Variants in RAPGEF4 observed in about 807,000 individuals in gnomAD.
The protein encoded by RAPGEF4 is Rap guanine nucleotide exchange factor 4.
RAPGEF4 carries 66 observed loss-of-function variants against 147.9 expected under a neutral mutation model. The observed-to-expected ratio is 0.45, with a 90% confidence interval of 0.37 to 0.55. The LOEUF is 0.55. RAPGEF4 is among the 20% of genes least tolerant of loss of function. The probability of loss-of-function intolerance (pLI) is 0.00; values close to 1 mark genes in which losing one functional copy is unlikely to be tolerated. For synonymous variants in RAPGEF4, 419 were observed against 442.7 expected (o/e 0.95, Z 0.67); for missense variants, 1,071 against 1,257.3 (o/e 0.85, Z 2.24).
chr2:173,017,423 C>T lies in RAPGEF4; in HGVS notation c.1930-3C>T, dbSNP rs1695607785. 1.2e-6 allele frequency: 2 copies of T among 1,613,630 alleles called. No individual in the cohort carries two copies. Among genetic ancestry groups the T allele is most frequent in the Non-Finnish European group, 1.7e-6 (2 of 1,179,688 alleles). On this transcript the variant is annotated splice_region_variant and splice_polypyrimidine_tract_variant and intron_variant, in intron 20 of 30. Transcript: ENST00000397081. ...ATGGCACTTGCTGTGGTTGTTTTTA[C>T]AGCACAAGGTTCTTTTGCAACAGTT... is the stretch of plus-strand genomic sequence containing the variant.
intron 29 of RAPGEF4, among the ~76,000 whole-genome samples, chr2:173,041,651 A>G (rs967838933): frequency 1.3e-5 from 2 of 152,226 alleles, no homozygotes; most frequent in African/African-American, 4.8e-5. Context: ...AATGGAAAAT[A>G]AAACCACATT....
chr2:172,752,203 G>C (rs1378968575), intron 1 of RAPGEF4, among the ~76,000 whole-genome samples: 1 of 152,134 alleles, frequency 6.6e-6, no homozygotes, highest in African/African-American at 2.4e-5. Context: ...AACCAGTTTA[G>C]TTTCACTAGT....
In RAPGEF4 at chr2:172,988,694, G is replaced by T; in HGVS notation, c.1229G>T (p.Gly410Val). 7 of 1,611,708 alleles carry T rather than the reference G, an allele frequency of 4.3e-6. No individual in the cohort carries two copies. Among genetic ancestry groups the T allele is most frequent in the Non-Finnish European group, 5.9e-6 (7 of 1,177,818 alleles). ...GSVNVVIYGK[G>V]VVCTLHEGDD... ...ATCTGTGTGCTCTACTCTATCCAGGGTGTGGTCTGCACCCTGCATGAAGGA... is the reference window on the plus strand; with the variant it reads ...ATCTGTGTGCTCTACTCTATCCAGGTTGTGGTCTGCACCCTGCATGAAGGA... The change falls in exon 14 of 31, where the codon GGT becomes GTT. Residue 410 changes from glycine (G) to valine (V), a missense_variant and splice_region_variant. Gly to Val is a moderately radical substitution (Grantham distance 109). Coordinates refer to ENST00000397081, the MANE Select transcript of RAPGEF4 (RefSeq NM_007023.4).
At chr2:172,739,354 A>G (rs1030560603) in intron 1 of RAPGEF4, among the ~76,000 whole-genome samples, 2 of 149,612 alleles carry the variant, frequency 1.3e-5, no homozygotes, top group East Asian at 1.9e-4. Context: ...TGTGCTGACC[A>G]TTGTTTAAGT....
intron 16 of RAPGEF4, among the ~76,000 whole-genome samples, chr2:172,999,819 A>G (rs542810074): frequency 6.6e-5 from 10 of 152,286 alleles, no homozygotes; most frequent in Admixed American, 2.0e-4. Context: ...GTCTCATTAT[A>G]CTGAGAAGCA....
Position 172,976,872 on chromosome 2 carries a change from T to G in RAPGEF4, c.1005-6624T>G, listed in dbSNP as rs188547535. Among the ~76,000 whole-genome samples the G allele has an allele frequency of 1.1e-3, 162 of 152,354 alleles. 1 individual carries two copies. Among genetic ancestry groups the G allele is most frequent in the African/African-American group, 3.7e-3 (155 of 41,584 alleles). On this transcript the variant is annotated intron_variant, in intron 10 of 30. Coordinates refer to ENST00000397081, the MANE Select transcript of RAPGEF4 (RefSeq NM_007023.4). ...CCCTCCCATCCTTTAATGTATAAAC[T>G]GCTTCCCTATCCATCCCCATTTATT...
chr2:172,796,121 G>A (rs1686334870), intron 2 of RAPGEF4, among the ~76,000 whole-genome samples: 2 of 152,064 alleles, frequency 1.3e-5, no homozygotes, highest in Non-Finnish European at 2.9e-5. Context: ...TGCCCTAGTG[G>A]AGCTAACACC....
At chr2:172,869,742 T>G (rs1695009680) in intron 4 of RAPGEF4, among the ~76,000 whole-genome samples, 1 of 152,210 alleles carries the variant, frequency 6.6e-6, no homozygotes, top group Non-Finnish European at 1.5e-5. Flanking sequence ...TGTTATTGAA[T>G]GTGTGTTTGT....
At chr2:172,887,748 C>T (rs1559098912) in intron 4 of RAPGEF4, among the ~76,000 whole-genome samples, 1 of 152,018 alleles carries the variant, frequency 6.6e-6, no homozygotes, top group Non-Finnish European at 1.5e-5. Flanking sequence ...CTCTGCTTGC[C>T]GAACCTTTTC....
intron 2 of RAPGEF4, among the ~76,000 whole-genome samples, chr2:172,796,239 T>A (rs1352268899): frequency 6.6e-6 from 1 of 152,148 alleles, no homozygotes; most frequent in Non-Finnish European, 1.5e-5. Context: ...ACAACGTTAT[T>A]GTAGAAAATT....
At chr2:172,910,326 G>A (rs1699976715) in intron 4 of RAPGEF4, among the ~76,000 whole-genome samples, 1 of 152,150 alleles carries the variant, frequency 6.6e-6, no homozygotes, top group South Asian at 2.1e-4. Context: ...ACCACTTTGA[G>A]GGCTATAAAC....
At chr2:172,927,379 A>G (rs887309270) in intron 6 of RAPGEF4, among the ~76,000 whole-genome samples, 1 of 152,182 alleles carries the variant, frequency 6.6e-6, no homozygotes, top group African/African-American at 2.4e-5. Flanking sequence ...TTTTCCACCT[A>G]TTATATGACA....
intron 4 of RAPGEF4, among the ~76,000 whole-genome samples, chr2:172,874,430 A>G (rs1391513123): frequency 1.3e-5 from 2 of 151,780 alleles, no homozygotes; most frequent in Non-Finnish European, 2.9e-5. Context: ...CCCGGTGTGT[A>G]ATGTTCCCCT....
intron 4 of RAPGEF4, among the ~76,000 whole-genome samples, chr2:172,833,257 T>C (rs941543694): frequency 9.8e-6 from 1 of 101,864 alleles, no homozygotes; most frequent in African/African-American, 3.5e-5. Flanking sequence ...TACAGAGGTT[T>C]GGGTTTTTTT....
chr2:173,024,998 C>T (rs1024926047), intron 23 of RAPGEF4, among the ~76,000 whole-genome samples: 1 of 152,224 alleles, frequency 6.6e-6, no homozygotes, highest in African/African-American at 2.4e-5. Context: ...AGCTTGTCTG[C>T]TTCATCTTTT....
chr2:172,960,888 G>GA, intron 7 of RAPGEF4, 75 bp downstream of exon 7: 2 of 1,237,886 alleles, frequency 1.6e-6, no homozygotes, highest in Non-Finnish European at 1.2e-6. Context: ...CCATATGTCA[G>GA]GGGATCACAT....
At chr2:172,778,252 G>C (rs1265680660) in intron 1 of RAPGEF4, among the ~76,000 whole-genome samples, 2 of 152,002 alleles carry the variant, frequency 1.3e-5, no homozygotes, top group Non-Finnish European at 2.9e-5. Flanking sequence ...TTCTGTCTTG[G>C]GTTCTTTCCC....
rs557450910 is a variant in RAPGEF4, at chr2:173,020,009, T to G, written c.2156-609T>G. ...GGGATTTTTTTTCTGTATTGTTCCC[T>G]TCTGTCTCCCCAGTGCCTGGAGCAG... On this transcript the variant is annotated intron_variant, in intron 22 of 30. Transcript: ENST00000397081. 2.6e-5 allele frequency among the ~76,000 whole-genome samples: 4 copies of G among 152,354 alleles called. No individual in the cohort carries two copies. In the South Asian group the frequency reaches 8.3e-4, roughly 32 times the overall value.
chr2:172,922,255 C>G (rs1275316853), intron 5 of RAPGEF4, 26 bp from the exon 6 acceptor site: 2 of 1,604,692 alleles, frequency 1.2e-6, no homozygotes, highest in South Asian at 2.2e-5. Context: ...TTCATGGCCT[C>G]TCTCTGTCTC....
Sources: gnomAD v4.1 joint callset for allele counts (sites outside exome capture counted in the v4.1 genomes callset) on GRCh38, gnomAD v4.1.1 for gene constraint, MANE v1.5 for transcripts, NCBI Gene and HGNC (gene_info 2026-07-23, HGNC 2026-07-21) for gene names.